The following ATP2A1 variants were observed in gnomAD, a reference collection of about 807,000 sequenced individuals.
The protein encoded by ATP2A1 is ATPase sarcoplasmic/endoplasmic reticulum Ca2+ transporting 1.
A neutral mutation model predicts 109.5 loss-of-function variants in ATP2A1; 83 were observed. The ratio of observed to expected loss-of-function variants is 0.76; its 90% CI spans 0.63 to 0.91. ATP2A1 has a LOEUF of 0.91. Among genes scored for constraint, ATP2A1 ranks in the 40% least tolerant of loss-of-function variants. The probability of loss-of-function intolerance (pLI) is 0.00; values close to 1 mark genes in which losing one functional copy is unlikely to be tolerated. For missense variants in ATP2A1, 1,101 were observed against 1,341.0 expected (o/e 0.82, Z 2.80); for synonymous variants, 505 against 537.6 (o/e 0.94, Z 0.84).
chr16:28,894,585 A>C lies in ATP2A1; in HGVS notation c.1265A>C (p.Asp422Ala). The C allele has an allele frequency of 6.2e-7, 1 of 1,612,982 alleles. No individual in the cohort carries two copies. The highest frequency in any genetic ancestry group is 8.5e-7 in the Non-Finnish European group (1 of 1,179,716). Residue 422 changes from aspartate (D) to alanine (A), a missense_variant, in exon 11 of 23, where the codon GAC becomes GCC. Transcript: ENST00000395503. ...GCCACCATCTGTGCCCTCTGCAATG[A>C]CTCCTCCTTGGACTTCAACGAGGTA... The part of the protein sequence containing the change: ...ELATICALCN[D>A]SSLDFNEAKG...
chr16:28,888,193 T>G (rs1406787726), intron 8 of ATP2A1, among the ~76,000 whole-genome samples: 1 of 152,066 alleles, frequency 6.6e-6, no homozygotes, highest in Non-Finnish European at 1.5e-5. Flanking sequence ...CCACCATGCC[T>G]GGCTAATTTT....
At chr16:28,879,875 C>T in intron 3 of ATP2A1, 1 of 590,916 alleles carries the variant, frequency 1.7e-6, no homozygotes, top group Non-Finnish European at 2.4e-6. Flanking sequence ...ACCCGAACTC[C>T]GGGCTCCGGG....
intron 5 of ATP2A1, 62 bp downstream of exon 5, chr16:28,882,651 CG>C (rs1258934929): frequency 5.0e-6 from 8 of 1,599,724 alleles, no homozygotes; most frequent in Non-Finnish European, 6.0e-6. Context: ...TAGGAGATGC[CG>C]GGGGCTGGTC....
At chr16:28,882,180 A>G (rs1365518919) in intron 4 of ATP2A1, among the ~76,000 whole-genome samples, 1 of 135,636 alleles carries the variant, frequency 7.4e-6, no homozygotes, top group Non-Finnish European at 1.5e-5. Context: ...GCTGGTCTCG[A>G]ACTCCTGACT....
In ATP2A1 at chr16:28,880,822, C is replaced by T; in HGVS notation, c.220-93C>T. The T allele has an allele frequency of 2.4e-6, 3 of 1,271,362 alleles. No homozygotes were observed. Among genetic ancestry groups the T allele is most frequent in the South Asian group, 1.2e-5 (1 of 83,104 alleles). The allele number at this position is 1,271,362 out of a possible 1,614,324, so 78.8% of individuals were successfully genotyped here. A position where few individuals can be genotyped will look rare whatever the true frequency, so the allele number is the denominator to read the frequency against. On this transcript the variant is annotated intron_variant, in intron 3 of 22. Transcript: ENST00000395503. The surrounding 1 kb of genome is among the most constrained non-coding windows in gnomAD (Gnocchi z 4.2). ...CCCTCCTGCTGGCTCCTGCACTCTC[C>T]TGCACAGTTCTCCCCTTTGCAGTGG...
At chr16:28,889,011 GGC>G in intron 9 of ATP2A1, 58 bp downstream of exon 9, 1 of 1,602,220 alleles carries the variant, frequency 6.2e-7, no homozygotes, top group Non-Finnish European at 8.5e-7. Flanking sequence ...GGGTTAAATG[GGC>G]CCTCCAAAGA....
intron 12 of ATP2A1, among the ~76,000 whole-genome samples, chr16:28,896,909 T>C (rs751475825): frequency 2.6e-5 from 4 of 151,782 alleles, no homozygotes; most frequent in Admixed American, 1.3e-4. Flanking sequence ...GTTAAGCTGG[T>C]CTACTACTAA....
rs1425808002 is a variant in ATP2A1 at position 28,880,386 on chromosome 16, G to A, written c.220-529G>A. On this transcript the variant is annotated intron_variant, in intron 3 of 22. Transcript: ENST00000395503. This position sits in a 1 kb window ranked among gnomAD's most constrained non-coding sequence, Gnocchi z 4.2. ...GCAGGGCCTCTCCTCTCCCTTCTCA[G>A]ATTTGCTCCTTGACATTTGCCTGCT... Among the ~76,000 whole-genome samples, 3 of 152,242 alleles carry A rather than the reference G, an allele frequency of 2.0e-5. No homozygotes were observed. In the East Asian group the frequency reaches 5.8e-4, roughly 29 times the overall value.
Position 28,887,476 on chromosome 16 carries a change from G to T in ATP2A1, c.682G>T (p.Val228Leu). ...CTTGGGCATCGTGGCCACCACTGGT[G>T]TGGGCACCGAGATTGGGAAGATCCG... ...KALGIVATTG[V>L]GTEIGKIRDQ... Residue 228 changes from valine (V) to leucine (L), a missense_variant, in exon 8 of 23, where the codon GTG (valine) becomes TTG (leucine). Coordinates refer to ENST00000395503, the MANE Select transcript of ATP2A1 (RefSeq NM_004320.6). 1 of 1,614,106 alleles carries T rather than the reference G, an allele frequency of 6.2e-7. No homozygotes were observed. Among genetic ancestry groups the T allele is most frequent in the South Asian group, 1.1e-5 (1 of 91,070 alleles).
Position 28,887,236 on chromosome 16 carries a change from C to T in ATP2A1, c.592C>T (p.Arg198Ter), listed in dbSNP as rs121918113. 3.1e-6 allele frequency: 5 copies of T among 1,613,744 alleles called. No homozygotes were observed. Among genetic ancestry groups the T allele is most frequent in the Admixed American group, 1.7e-5 (1 of 59,944 alleles). ...IKHTEPVPDP[R>*]AVNQDKKNML... ...ACACACGGAGCCCGTTCCTGACCCC[C>T]GAGCTGTCAACCAGGACAAGAAGAA... Residue 198 changes from arginine to a stop codon, truncating the protein, a stop_gained, in exon 7 of 23, where the codon CGA (arginine) becomes TGA (stop). Transcript: ENST00000395503. LOFTEE classifies it high-confidence loss of function.
At chr16:28,881,382 C>T (rs1017714701) in intron 4 of ATP2A1, 1 of 370,644 alleles carries the variant, frequency 2.7e-6, no homozygotes, top group Non-Finnish European at 5.2e-6. Flanking sequence ...CCACCCCCTA[C>T]ATGTCCTGTC....
intron 12 of ATP2A1, among the ~76,000 whole-genome samples, chr16:28,895,362 T>C (rs920002384): frequency 1.1e-4 from 16 of 152,208 alleles, no homozygotes; most frequent in Non-Finnish European, 2.9e-5. Context: ...AGCCTTTCCT[T>C]GCCCAGATGA....
At position 28,882,693 on chromosome 16, in the gene ATP2A1, C is replaced by T. The variant is rs145242076; in HGVS notation, c.463+104C>T. The T allele has an allele frequency of 7.8e-3, 11,798 of 1,522,090 alleles. 69 individuals carry two copies. Among genetic ancestry groups the T allele is most frequent in the Non-Finnish European group, 9.2e-3 (10,346 of 1,124,024 alleles). The allele number at this position is 1,522,090 out of a possible 1,614,324, so 94.3% of individuals were successfully genotyped here. A position where few individuals can be genotyped will look rare whatever the true frequency, so the allele number is the denominator to read the frequency against. ...CGGATCCAGGTGTCCAGGAGGATGACGGAGTCTGCTTCTCTTTCCGACTCC... is the reference window on the plus strand; with the variant it reads ...CGGATCCAGGTGTCCAGGAGGATGATGGAGTCTGCTTCTCTTTCCGACTCC... On this transcript the variant is annotated intron_variant, in intron 5 of 22. Coordinates refer to ENST00000395503, the MANE Select transcript of ATP2A1 (RefSeq NM_004320.6).
intron 4 of ATP2A1, 93 bp from the exon 5 acceptor site, chr16:28,882,358 G>A: frequency 2.0e-5 from 31 of 1,573,780 alleles, no homozygotes; most frequent in Non-Finnish European, 2.7e-5. Flanking sequence ...CCCTGCCTGT[G>A]TGGGGTTTTG....
At chr16:28,894,081 C>T (rs1963850439) in intron 9 of ATP2A1, 74 bp from the exon 10 acceptor site, 4 of 1,325,162 alleles carry the variant, frequency 3.0e-6, no homozygotes, top group Middle Eastern at 1.8e-4. Flanking sequence ...GCAGTGCAGG[C>T]CTCCCTTGAT....
rs1439510276 is a variant in ATP2A1, at chr16:28,878,668, C to T, written c.-4C>T. On this transcript the variant is annotated 5_prime_UTR_variant, in exon 1 of 23. Transcript: ENST00000395503. ...CCGGCCCCGGCCCCCAGGAAGGGAG[C>T]ACAATGGAGGCCGCTCATGCTAAAA... The T allele has an allele frequency of 6.3e-7, 1 of 1,593,580 alleles. No homozygotes were observed. The highest frequency in any genetic ancestry group is 2.3e-5 in the East Asian group (1 of 44,230).
chr16:28,903,789 C>A lies in ATP2A1; in HGVS notation c.*37+48C>A, dbSNP rs891272243. ...AGCCCAGCTGCTGTGCCCCTGCCACCCGCGCCCCCTCAGCCCCTTGCGCGT... is the reference window on the plus strand; with the variant it reads ...AGCCCAGCTGCTGTGCCCCTGCCACACGCGCCCCCTCAGCCCCTTGCGCGT... On this transcript the variant is annotated intron_variant, in intron 22 of 22. Transcript: ENST00000395503. This position sits in a 1 kb window ranked among gnomAD's most constrained non-coding sequence, Gnocchi z 5.6. The A allele has an allele frequency of 1.3e-6, 2 of 1,548,166 alleles. No homozygotes were observed. The highest frequency in any genetic ancestry group is 1.8e-6 in the Non-Finnish European group (2 of 1,120,066).
In ATP2A1 at chr16:28,902,950, G is replaced by A; in HGVS notation, c.2744+39G>A. On this transcript the variant is annotated intron_variant, in intron 19 of 22. Transcript: ENST00000395503. This position sits in a 1 kb window ranked among gnomAD's most constrained non-coding sequence, Gnocchi z 4.8. ...AGCTACACCCACCACCCTCCCCTGAGGCCACTGCCCACATCCTCCACTGTG... is the reference window on the plus strand; with the variant it reads ...AGCTACACCCACCACCCTCCCCTGAAGCCACTGCCCACATCCTCCACTGTG... The A allele has an allele frequency of 1.2e-6, 2 of 1,613,208 alleles. No homozygotes were observed. Among genetic ancestry groups the A allele is most frequent in the Non-Finnish European group, 1.7e-6 (2 of 1,179,828 alleles).
In ATP2A1 at chr16:28,887,202, T is replaced by C. The variant is rs747684059; in HGVS notation, c.558T>C (p.Ser186=). The C allele has an allele frequency of 1.2e-6, 2 of 1,613,506 alleles. No individual in the cohort carries two copies. The highest frequency in any genetic ancestry group is 1.6e-4 in the Middle Eastern group (1 of 6,062). The change falls in exon 7 of 23, where the codon TCT becomes TCC. Residue 186 remains serine, a synonymous_variant. Transcript: ENST00000395503. ...CCTTCTCCACAGGCGAGTCTGTATC[T>C]GTCATCAAACACACGGAGCCCGTTC... The part of the protein sequence containing the change: ...DQSILTGESV[S]VIKHTEPVPD...
Sources: allele counts gnomAD v4.1 joint callset (sites outside exome capture counted in the v4.1 genomes callset), GRCh38; gene constraint gnomAD v4.1.1; non-coding constraint Gnocchi (gnomAD v3.1); transcripts MANE v1.5; gene names NCBI Gene and HGNC (gene_info 2026-07-23, HGNC 2026-07-21).